PIAS4: variants seen among roughly 807,000 people sequenced by gnomAD.
PIAS4 encodes the protein E3 SUMO-protein ligase PIAS4.
In PIAS4, 7 loss-of-function variants were observed where a neutral mutation model predicts 58.0. That is an observed-to-expected ratio of 0.12 (90% CI 0.07 to 0.23). PIAS4 has a LOEUF of 0.23. PIAS4 is among the 10% of genes least tolerant of loss of function. The probability of loss-of-function intolerance (pLI) is 1.00; values close to 1 mark genes in which losing one functional copy is unlikely to be tolerated. For missense variants in PIAS4, 550 were observed against 709.5 expected (o/e 0.78, Z 2.55); for synonymous variants, 364 against 312.4 (o/e 1.17, Z -1.74).
At chr19:4,025,112 C>T (rs1428978805) in intron 3 of PIAS4, among the ~76,000 whole-genome samples, 1 of 152,222 alleles carries the variant, frequency 6.6e-6, no homozygotes, top group Non-Finnish European at 1.5e-5. Flanking sequence ...GTTTCCCCCT[C>T]CATACCGTGG....
In PIAS4 at chr19:4,013,314, A is replaced by C. The variant is rs759027208; in HGVS notation, c.419A>C (p.Asn140Thr). ...CGCCTGGTGAAGCTGCCGTTCTTTA[A>C]TATGCTGGATGAGCTGCTGAAGCCC... Reference protein sequence around the residue: ...EVRLVKLPFFNMLDELLKPTE... With the variant: ...EVRLVKLPFFTMLDELLKPTE... The change falls in exon 2 of 11, where the codon AAT becomes ACT. Residue 140 changes from asparagine to threonine, a missense_variant. Coordinates refer to ENST00000262971, the MANE Select transcript of PIAS4 (RefSeq NM_015897.4). This position sits in a 1 kb window ranked among gnomAD's most constrained non-coding sequence, Gnocchi z 5.1. The C allele has an allele frequency of 1.4e-5, 22 of 1,613,056 alleles. No individual in the cohort carries two copies. The African/African-American group carries it at 2.9e-4, about 22-fold the overall frequency.
chr19:4,024,912 C>T lies in PIAS4; in HGVS notation c.539+792C>T, dbSNP rs192018220. Among the ~76,000 whole-genome samples the T allele has an allele frequency of 2.2e-4, 33 of 152,214 alleles. No homozygotes were observed. In the South Asian group the frequency reaches 3.5e-3, roughly 16 times the overall value. ...TCCCAAGTAGCTGGGATTACAGGCG[C>T]TCACTACCACGCCCGGCTAATCTTG... On this transcript the variant is annotated intron_variant, in intron 3 of 10. Coordinates refer to ENST00000262971, the MANE Select transcript of PIAS4 (RefSeq NM_015897.4).
rs781616538 is a variant in PIAS4 at position 4,037,410 on chromosome 19, C to T, written c.1179C>T (p.Ala393=). The change falls in exon 10 of 11, where the codon GCC becomes GCT. Residue 393 remains alanine (A), a synonymous_variant. Transcript: ENST00000262971. This position sits in a 1 kb window ranked among gnomAD's most constrained non-coding sequence, Gnocchi z 5.8. ...LSKILSECED[A]DEIEYLVDGS... ...AGATCCTGAGCGAGTGTGAGGACGCCGACGAGATCGAGTACCTGGTGGACG... is the reference window on the plus strand; with the variant it reads ...AGATCCTGAGCGAGTGTGAGGACGCTGACGAGATCGAGTACCTGGTGGACG... 6.8e-6 allele frequency: 11 copies of T among 1,610,598 alleles called. No individual in the cohort carries two copies. In the South Asian group the frequency reaches 7.7e-5, roughly 11 times the overall value.
chr19:4,023,907 C>T, intron 2 of PIAS4, 129 bp from the exon 3 acceptor site: 1 of 702,816 alleles, frequency 1.4e-6, no homozygotes. Flanking sequence ...ACCTCTGCCC[C>T]ACATATCTGT....
intron 2 of PIAS4, among the ~76,000 whole-genome samples, chr19:4,022,617 C>T (rs547167546): frequency 7.9e-5 from 12 of 151,908 alleles, no homozygotes; most frequent in South Asian, 2.1e-4. Flanking sequence ...CCACCCCCCT[C>T]GGCCTCCCAA....
chr19:4,037,569 CAG>C lies in PIAS4; in HGVS notation c.1274-46_1274-45del. ...GGGCCGCCTCAGTTTCCCCATTTATCAGTGGTTGCATCCTAAGTACCTGCACC... is the reference window on the plus strand; with the variant it reads ...GGGCCGCCTCAGTTTCCCCATTTATCTGGTTGCATCCTAAGTACCTGCACC... On this transcript the variant is annotated intron_variant, in intron 10 of 10. Transcript: ENST00000262971. This position sits in a 1 kb window ranked among gnomAD's most constrained non-coding sequence, Gnocchi z 5.8. 1 of 1,607,520 alleles carries C rather than the reference CAG, an allele frequency of 6.2e-7. No individual in the cohort carries two copies. The highest frequency in any genetic ancestry group is 8.5e-7 in the Non-Finnish European group (1 of 1,179,754).
intron 2 of PIAS4, among the ~76,000 whole-genome samples, chr19:4,023,046 C>G (rs1263445384): frequency 1.3e-5 from 2 of 151,154 alleles, no homozygotes; most frequent in African/African-American, 4.9e-5. Flanking sequence ...TGGCTCATGC[C>G]TGTAATCCCA....
At chr19:4,017,373 TC>T (rs1216510650) in intron 2 of PIAS4, among the ~76,000 whole-genome samples, 1 of 152,030 alleles carries the variant, frequency 6.6e-6, no homozygotes, top group African/African-American at 2.4e-5. Context: ...TGCCCACTGG[TC>T]CCCCTCCCAT....
intron 8 of PIAS4, 39 bp downstream of exon 8, chr19:4,033,212 G>A (rs2040239517): frequency 6.3e-7 from 1 of 1,578,424 alleles, no homozygotes; most frequent in Non-Finnish European, 8.6e-7. Context: ...GGCCTCTCCT[G>A]CGGCCGGCCT....
Position 4,013,322 on chromosome 19 carries a change from G to A in PIAS4, c.427G>A (p.Asp143Asn), listed in dbSNP as rs1445123107. ...GAAGCTGCCGTTCTTTAATATGCTG[G>A]ATGAGCTGCTGAAGCCCACCGAATT... ...LVKLPFFNML[D>N]ELLKPTELVP... The change falls in exon 2 of 11, where the codon GAT becomes AAT. Residue 143 changes from aspartate to asparagine, a missense_variant. Coordinates refer to ENST00000262971, the MANE Select transcript of PIAS4 (RefSeq NM_015897.4). The surrounding 1 kb of genome is among the most constrained non-coding windows in gnomAD (Gnocchi z 5.1). 6.2e-7 allele frequency: 1 copy of A among 1,613,012 alleles called. No homozygotes were observed. Among genetic ancestry groups the A allele is most frequent in the Admixed American group, 1.7e-5 (1 of 60,000 alleles).
At position 4,029,365 on chromosome 19, in the gene PIAS4, A is replaced by C. The variant is rs1457325135; in HGVS notation, c.907+329A>C. Among the ~76,000 whole-genome samples the C allele has an allele frequency of 3.9e-5, 6 of 152,168 alleles. 1 individual carries two copies. In the South Asian group the frequency reaches 1.0e-3, roughly 26 times the overall value. On this transcript the variant is annotated intron_variant, in intron 7 of 10. Transcript: ENST00000262971. ...GACAGCACAGAGGCCGGGAGGGGTG[A>C]GAGGAGCACAGAGGGAGCTGTGGTC...
Position 4,022,902 on chromosome 19 carries a change from T to TAGCTC in PIAS4, c.455-1132_455-1128dup, listed in dbSNP as rs1275810747. Reference sequence around the variant, plus strand: ...TAAGAGATGCGGCAGCCAGGCGCCGTAGCTCATGCCTGTAATTCCAGCACA... The same window carrying TAGCTC: ...TAAGAGATGCGGCAGCCAGGCGCCGTAGCTCAGCTCATGCCTGTAATTCCAGCACA... On this transcript the variant is annotated intron_variant, in intron 2 of 10. Transcript: ENST00000262971. Among the ~76,000 whole-genome samples, 24 of 151,396 alleles carry TAGCTC rather than the reference T, an allele frequency of 1.6e-4. No homozygotes were observed. The East Asian group carries it at 4.7e-3, about 30-fold the overall frequency.
intron 2 of PIAS4, among the ~76,000 whole-genome samples, chr19:4,023,438 C>T (rs1332635083): frequency 2.6e-5 from 4 of 152,136 alleles, no homozygotes; most frequent in South Asian, 2.1e-4. Flanking sequence ...CCAGCCTGGG[C>T]GACAGGGTAA....
At position 4,012,656 on chromosome 19, in the gene PIAS4, G is replaced by A. The variant is rs1443977540; in HGVS notation, c.28-267G>A. On this transcript the variant is annotated intron_variant, in intron 1 of 10. Coordinates refer to ENST00000262971, the MANE Select transcript of PIAS4 (RefSeq NM_015897.4). The stretch of plus-strand genomic sequence containing the variant: ...CTTTCAGGCTGAAGACAGGGAAAGA[G>A]AACCTAAAATAGAAGGGGGGGCCTA... Among the ~76,000 whole-genome samples the A allele has an allele frequency of 2.6e-5, 4 of 152,080 alleles. No homozygotes were observed. The East Asian group carries it at 7.7e-4, about 29-fold the overall frequency.
At chr19:4,022,466 G>A (rs946186719) in intron 2 of PIAS4, among the ~76,000 whole-genome samples, 9 of 151,732 alleles carry the variant, frequency 5.9e-5, no homozygotes, top group South Asian at 2.1e-4. Flanking sequence ...TCCCAGGTTC[G>A]CGCCATTCTC....
chr19:4,037,641 G>T lies in PIAS4; in HGVS notation c.1299G>T (p.Leu433=), dbSNP rs933610759. Residue 433 remains leucine, a synonymous_variant, in exon 11 of 11, where the codon CTG becomes CTT. Transcript: ENST00000262971. This position sits in a 1 kb window ranked among gnomAD's most constrained non-coding sequence, Gnocchi z 5.8. ...VLGPSDANGL[L]PAPSVNGSGA... ...GCCCCTCGGACGCCAATGGGCTCCT[G>T]CCCGCCCCCAGCGTCAACGGGAGCG... 2 of 1,611,420 alleles carry T rather than the reference G, an allele frequency of 1.2e-6. No individual in the cohort carries two copies. Among genetic ancestry groups the T allele is most frequent in the South Asian group, 1.1e-5 (1 of 91,084 alleles).
At chr19:4,033,664 G>A in intron 9 of PIAS4, 84 bp downstream of exon 9, 1 of 1,203,550 alleles carries the variant, frequency 8.3e-7, no homozygotes, top group Non-Finnish European at 1.2e-6. Flanking sequence ...CAGACCACAT[G>A]GTGCCCCAGC....
chr19:4,029,364 G>A (rs1157858105), intron 7 of PIAS4, among the ~76,000 whole-genome samples: 1 of 152,140 alleles, frequency 6.6e-6, no homozygotes. Flanking sequence ...CGGGAGGGGT[G>A]AGAGGAGCAC....
At position 4,037,358 on chromosome 19, in the gene PIAS4, G is replaced by C; in HGVS notation, c.1143-16G>C. 3 of 1,594,276 alleles carry C rather than the reference G, an allele frequency of 1.9e-6. No homozygotes were observed. The highest frequency in any genetic ancestry group is 2.6e-6 in the Non-Finnish European group (3 of 1,167,760). On this transcript the variant is annotated splice_polypyrimidine_tract_variant and intron_variant, in intron 9 of 10. Coordinates refer to ENST00000262971, the MANE Select transcript of PIAS4 (RefSeq NM_015897.4). The surrounding 1 kb of genome is among the most constrained non-coding windows in gnomAD (Gnocchi z 5.8). The stretch of plus-strand genomic sequence containing the variant: ...GGCACCTCCAGCCCCGGCGTCAGCT[G>C]TCCGCCTCGCCCCAGGCTCCTCTCG...
Sources: allele counts gnomAD v4.1 joint callset (sites outside exome capture counted in the v4.1 genomes callset), GRCh38; gene constraint gnomAD v4.1.1; non-coding constraint Gnocchi (gnomAD v3.1); transcripts MANE v1.5; gene names NCBI Gene and HGNC (gene_info 2026-07-23, HGNC 2026-07-21).